The following TENM2 variants were observed in gnomAD, a reference collection of about 807,000 sequenced individuals.
TENM2 encodes the protein teneurin transmembrane protein 2, also known as teneurin-2.
A neutral mutation model predicts 245.2 loss-of-function variants in TENM2; 52 were observed. The observed-to-expected ratio is 0.21, with a 90% CI of 0.17 to 0.27. TENM2 has a LOEUF of 0.27. Ranked by LOEUF, TENM2 falls within the 10% of genes least tolerant of loss-of-function variation. The pLI, the probability that TENM2 is intolerant of heterozygous loss-of-function variation, is 1.00. For synonymous variants in TENM2, 1,363 were observed against 1,438.9 expected (o/e 0.95, Z 1.19); for missense variants, 3,046 against 3,666.8 (o/e 0.83, Z 4.37).
At chr5:167,524,016 C>G (rs2127585262) in intron 2 of TENM2, among the ~76,000 whole-genome samples, 1 of 152,210 alleles carries the variant, frequency 6.6e-6, no homozygotes, top group African/African-American at 2.4e-5. Context: ...ATATCTCATA[C>G]TTACTGGTTA....
the TENM2 span, among the ~76,000 whole-genome samples, chr5:166,986,469 A>G: frequency 1.3e-5 from 2 of 152,160 alleles, no homozygotes; most frequent in African/African-American, 2.4e-5. Flanking sequence ...ATAGATAAAA[A>G]CTGGAATAAC....
At chr5:167,758,398 G>C (rs1243627889) in intron 2 of TENM2, among the ~76,000 whole-genome samples, 1 of 152,180 alleles carries the variant, frequency 6.6e-6, no homozygotes, top group African/African-American at 2.4e-5. Flanking sequence ...GGCTCAATGG[G>C]AAGAGATCGA....
chr5:167,652,118 G>C (rs909682676), intron 2 of TENM2, among the ~76,000 whole-genome samples: 1 of 152,088 alleles, frequency 6.6e-6, no homozygotes, highest in South Asian at 2.1e-4. Context: ...TGTTGTAAAG[G>C]TCTAGACAGA....
At chr5:167,324,951 T>A (rs1026306450) in intron 1 of TENM2, among the ~76,000 whole-genome samples, 2 of 152,148 alleles carry the variant, frequency 1.3e-5, no homozygotes, top group Non-Finnish European at 2.9e-5. Flanking sequence ...TACAAGAAAC[T>A]GCCTCAGTCT....
At chr5:167,620,257 A>G (rs1778073412) in intron 2 of TENM2, among the ~76,000 whole-genome samples, 1 of 152,144 alleles carries the variant, frequency 6.6e-6, no homozygotes, top group Admixed American at 6.5e-5. Context: ...GACAGGGCAC[A>G]GCTGCGGGGA....
chr5:168,086,472 C>T (rs1483794495), intron 7 of TENM2, among the ~76,000 whole-genome samples: 2 of 152,080 alleles, frequency 1.3e-5, no homozygotes, highest in Non-Finnish European at 2.9e-5. Context: ...TTTCAGAGGC[C>T]AGGGAAAAGG....
At chr5:168,166,552 AAC>A (rs1758324817) in intron 13 of TENM2, among the ~76,000 whole-genome samples, 1 of 151,962 alleles carries the variant, frequency 6.6e-6, no homozygotes, top group Non-Finnish European at 1.5e-5. Context: ...ACCTTGATTC[AAC>A]ACAGAGTGCT....
intron 2 of TENM2, among the ~76,000 whole-genome samples, chr5:167,825,831 T>C: frequency 6.6e-6 from 1 of 151,502 alleles, no homozygotes; most frequent in South Asian, 2.1e-4. Context: ...ATAGTAATAC[T>C]TCTCAGCTCC....
chr5:167,086,284 A>G, the TENM2 span, among the ~76,000 whole-genome samples: 1 of 152,094 alleles, frequency 6.6e-6, no homozygotes, highest in Non-Finnish European at 1.5e-5. Flanking sequence ...AGTCCTTTCC[A>G]TGGCACCTCT....
chr5:167,055,286 G>T, the TENM2 span, among the ~76,000 whole-genome samples: 1 of 152,042 alleles, frequency 6.6e-6, no homozygotes, highest in African/African-American at 2.4e-5. Context: ...TTTTTGAAAA[G>T]ACTATCCTAC....
At chr5:167,087,179 C>CT in the TENM2 span, among the ~76,000 whole-genome samples, 1 of 152,208 alleles carries the variant, frequency 6.6e-6, no homozygotes. Flanking sequence ...ACTGCCGTGC[C>CT]TTGCGTTCAA....
intron 26 of TENM2, among the ~76,000 whole-genome samples, chr5:168,246,418 T>A (rs1489449921): frequency 6.6e-6 from 1 of 152,162 alleles, no homozygotes; most frequent in Non-Finnish European, 1.5e-5. Flanking sequence ...CCTCAATTCT[T>A]AAAGTATCAT....
downstream of TENM2, chr5:168,263,738 G>A (rs1325007138): frequency 2.0e-5 from 3 of 152,450 alleles, no homozygotes; most frequent in Non-Finnish European, 4.4e-5. Flanking sequence ...TCCGTAGTTC[G>A]TGGGTATCAG....
chr5:168,008,380 T>G (rs1014661622), intron 5 of TENM2, among the ~76,000 whole-genome samples: 12 of 152,190 alleles, frequency 7.9e-5, no homozygotes, highest in Admixed American at 6.5e-5. Context: ...TTTGATTAAT[T>G]TGGCAATAGG....
intron 3 of TENM2, among the ~76,000 whole-genome samples, chr5:167,905,198 C>T (rs188659910): frequency 4.6e-5 from 7 of 152,176 alleles, no homozygotes; most frequent in Admixed American, 3.9e-4. Flanking sequence ...AACCCTCTGT[C>T]GATGTCTATT....
chr5:167,218,982 G>C, the TENM2 span, among the ~76,000 whole-genome samples: 2 of 152,142 alleles, frequency 1.3e-5, no homozygotes, highest in Non-Finnish European at 2.9e-5. Context: ...CAATCCTCTG[G>C]CTTTTTTGGG....
chr5:167,065,316 A>G, the TENM2 span, among the ~76,000 whole-genome samples: 158 of 152,326 alleles, frequency 1.0e-3, 6 homozygotes, highest in South Asian at 0.031. Flanking sequence ...ATACAAAACT[A>G]TAATTATATA....
chr5:167,206,704 A>G, the TENM2 span, among the ~76,000 whole-genome samples: 1 of 152,290 alleles, frequency 6.6e-6, no homozygotes, highest in East Asian at 1.9e-4. Flanking sequence ...CCAGGTTTGG[A>G]TATATTTTTA....
chr5:167,752,585 G>A (rs1762034454), intron 2 of TENM2, among the ~76,000 whole-genome samples: 1 of 152,152 alleles, frequency 6.6e-6, no homozygotes, highest in African/African-American at 2.4e-5. Flanking sequence ...CTGAAAAGAA[G>A]TAGGCTAGGT....
Sources: gnomAD v4.1 joint callset for allele counts (sites outside exome capture counted in the v4.1 genomes callset) on GRCh38, gnomAD v4.1.1 for gene constraint, MANE v1.5 for transcripts, NCBI Gene and HGNC (gene_info 2026-07-23, HGNC 2026-07-21) for gene names.